The following TRIM55 variants were observed in gnomAD, a reference collection of about 807,000 sequenced individuals.
TRIM55 encodes the protein tripartite motif-containing protein 55.
In TRIM55, 50 loss-of-function variants were observed where a neutral mutation model predicts 60.9. That is an observed-to-expected ratio of 0.82 (90% CI 0.65 to 1.04). The LOEUF is 1.04. TRIM55 is among the 50% of genes least tolerant of loss of function. TRIM55 has a pLI of 0.00. For synonymous variants in TRIM55, 237 were observed against 238.1 expected (o/e 1.00, Z 0.04); for missense variants, 681 against 666.9 (o/e 1.02, Z -0.23).
rs750002519 is a variant in TRIM55 at position 66,149,740 on chromosome 8, T to C, written c.699T>C (p.Ile233=). ...GGAAGAATGAAATGACCCAAGTCAT[T>C]ACCCGAACCCAAGAGGAGAAACTGG... The part of the protein sequence containing the change: ...EERKNEMTQV[I]TRTQEEKLEH... Residue 233 remains isoleucine (I), a synonymous_variant, in exon 5 of 10, where the codon ATT becomes ATC. Transcript: ENST00000315962. 5 of 1,614,060 alleles carry C rather than the reference T, an allele frequency of 3.1e-6. No homozygotes were observed. The South Asian group carries it at 5.5e-5, about 18-fold the overall frequency.
intron 4 of TRIM55, among the ~76,000 whole-genome samples, chr8:66,145,846 C>T (rs1302757213): frequency 6.6e-6 from 1 of 152,124 alleles, no homozygotes; most frequent in Non-Finnish European, 1.5e-5. Flanking sequence ...TTTACAAGCA[C>T]TTCATATAAT....
chr8:66,136,600 A>T (rs1809495395), intron 3 of TRIM55, among the ~76,000 whole-genome samples: 1 of 152,052 alleles, frequency 6.6e-6, no homozygotes, highest in Non-Finnish European at 1.5e-5. Flanking sequence ...AAAAGTTGAC[A>T]TTTCTCCCCT....
At chr8:66,148,586 A>G (rs1358678138) in intron 4 of TRIM55, among the ~76,000 whole-genome samples, 1 of 152,242 alleles carries the variant, frequency 6.6e-6, no homozygotes, top group Non-Finnish European at 1.5e-5. Flanking sequence ...CAGAAGGGAA[A>G]GCATGAACAA....
At chr8:66,155,857 G>A (rs553853108) in intron 9 of TRIM55, 2 of 631,360 alleles carry the variant, frequency 3.2e-6, no homozygotes, top group Admixed American at 3.1e-5. Flanking sequence ...TATACTGGAG[G>A]CCTCAAGCTC....
chr8:66,113,947 G>A, the TRIM55 span, among the ~76,000 whole-genome samples: 1 of 151,998 alleles, frequency 6.6e-6, no homozygotes, highest in Admixed American at 6.5e-5. Flanking sequence ...ATGACACAAT[G>A]TTATGGAGAC....
intron 9 of TRIM55, among the ~76,000 whole-genome samples, chr8:66,160,356 G>GGGGTGTGTGT (rs139517166): frequency 6.9e-6 from 1 of 145,968 alleles, no homozygotes; most frequent in African/African-American, 2.5e-5. Flanking sequence ...AGTATTCCAT[G>GGGGTGTGTGT]GTGTGTGTGT....
At chr8:66,174,390 C>T in intron 9 of TRIM55, 81 bp from the exon 10 acceptor site, 1 of 1,221,790 alleles carries the variant, frequency 8.2e-7, no homozygotes, top group Non-Finnish European at 1.1e-6. Flanking sequence ...ATTATACTTT[C>T]TCCTCAATAG....
intron 2 of TRIM55, among the ~76,000 whole-genome samples, chr8:66,131,661 C>A (rs969276504): frequency 6.6e-6 from 1 of 152,218 alleles, no homozygotes; most frequent in Admixed American, 6.5e-5. Flanking sequence ...AAGTCCTCCT[C>A]TTTTCAGCCT....
the TRIM55 span, among the ~76,000 whole-genome samples, chr8:66,114,254 A>T: frequency 1.3e-5 from 2 of 152,160 alleles, no homozygotes; most frequent in Admixed American, 1.3e-4. Flanking sequence ...CGATGCCCGC[A>T]TCCTCCAGTT....
chr8:66,133,921 A>G (rs544359416), intron 2 of TRIM55, among the ~76,000 whole-genome samples: 2 of 152,316 alleles, frequency 1.3e-5, no homozygotes, highest in South Asian at 4.1e-4. Context: ...ATATGTATAT[A>G]CACACATACA....
At chr8:66,114,586 C>T in the TRIM55 span, 2 of 456,232 alleles carry the variant, frequency 4.4e-6, no homozygotes, top group South Asian at 3.1e-5. Flanking sequence ...CTAAGCTGCC[C>T]ATAGTTCGGG....
the TRIM55 span, among the ~76,000 whole-genome samples, chr8:66,116,296 A>G: frequency 6.6e-6 from 1 of 152,200 alleles, no homozygotes; most frequent in Non-Finnish European, 1.5e-5. Flanking sequence ...ATAAACAAGC[A>G]TAAGTTATTT....
chr8:66,144,404 T>A (rs1419566934), intron 4 of TRIM55, among the ~76,000 whole-genome samples: 1 of 152,196 alleles, frequency 6.6e-6, no homozygotes, highest in African/African-American at 2.4e-5. Flanking sequence ...TAGACAACTT[T>A]AATTTGGTTC....
rs1811865824 is a variant in TRIM55, at chr8:66,175,427, C to T, written c.*834C>T. Reference sequence around the variant, plus strand: ...GTTAATATTTGTCCCACCATAATGCCTCCTTCAGAACATAAGTGTAACTTT... The same window carrying T: ...GTTAATATTTGTCCCACCATAATGCTTCCTTCAGAACATAAGTGTAACTTT... On this transcript the variant is annotated 3_prime_UTR_variant, in exon 10 of 10. Transcript: ENST00000315962. 1.3e-5 allele frequency: 2 copies of T among 152,058 alleles called. No individual in the cohort carries two copies. The highest frequency in any genetic ancestry group is 4.8e-5 in the African/African-American group (2 of 41,392). 9.4% of individuals were successfully genotyped at this position (152,058 alleles called of 1,614,324 possible). A position where few individuals can be genotyped will look rare whatever the true frequency, so the allele number is the denominator to read the frequency against.
chr8:66,140,365 G>C (rs1809737275), intron 4 of TRIM55, among the ~76,000 whole-genome samples: 1 of 152,224 alleles, frequency 6.6e-6, no homozygotes. Flanking sequence ...TATAAAGTAA[G>C]TCTGACATTT....
chr8:66,157,408 C>T (rs945684054), intron 9 of TRIM55, among the ~76,000 whole-genome samples: 5 of 152,176 alleles, frequency 3.3e-5, no homozygotes, highest in Non-Finnish European at 5.9e-5. Context: ...AGCAAATTCC[C>T]GGCCTCTGAG....
At chr8:66,155,926 T>A (rs1810713403) in intron 9 of TRIM55, among the ~76,000 whole-genome samples, 1 of 152,220 alleles carries the variant, frequency 6.6e-6, no homozygotes, top group African/African-American at 2.4e-5. Context: ...TATCTATTCC[T>A]GCATGGAGGG....
chr8:66,135,234 G>C, intron 3 of TRIM55, 79 bp downstream of exon 3: 1 of 1,517,822 alleles, frequency 6.6e-7, no homozygotes, highest in Non-Finnish European at 9.1e-7. Context: ...AGTGTGAGTG[G>C]CTCCCTGCGG....
chr8:66,116,248 T>C, the TRIM55 span, among the ~76,000 whole-genome samples: 1 of 152,140 alleles, frequency 6.6e-6, no homozygotes, highest in Non-Finnish European at 1.5e-5. Flanking sequence ...GAAATGTTAA[T>C]AATCAAATTC....
Sources: gnomAD v4.1 joint callset for allele counts (sites outside exome capture counted in the v4.1 genomes callset) on GRCh38, gnomAD v4.1.1 for gene constraint, MANE v1.5 for transcripts, NCBI Gene and HGNC (gene_info 2026-07-23, HGNC 2026-07-21) for gene names.